Variants in GSG1 observed in about 807,000 individuals in gnomAD.
GSG1 encodes germ cell-specific gene 1 protein.
A neutral mutation model predicts 30.8 loss-of-function variants in GSG1; 28 were observed. The ratio of observed to expected loss-of-function variants is 0.91; its 90% confidence interval spans 0.67 to 1.25. The LOEUF is 1.25. GSG1 is among the 50% of genes most tolerant of loss of function. The pLI, the probability that GSG1 is intolerant of heterozygous loss-of-function variation, is 0.00. For synonymous variants in GSG1, 162 were observed against 178.0 expected (o/e 0.91, Z 0.71); for missense variants, 435 against 444.7 (o/e 0.98, Z 0.20).
In GSG1 at chr12:13,084,795, C is replaced by G; in HGVS notation, c.*106G>C. On this transcript the variant is annotated 3_prime_UTR_variant, in exon 7 of 7. Coordinates refer to ENST00000651961, the MANE Select transcript of GSG1 (RefSeq NM_001080555.4). ...CCCTTATTCATAGCCTTATTCGTAG[C>G]CTCTAAAAACCATGCTCAAGAGACG... 1 of 721,848 alleles carries G rather than the reference C, an allele frequency of 1.4e-6. No homozygotes were observed. Among genetic ancestry groups the G allele is most frequent in the Non-Finnish European group, 2.3e-6 (1 of 437,002 alleles). The allele number at this position is 721,848 out of a possible 1,614,324, so 44.7% of individuals were successfully genotyped here. A position where few individuals can be genotyped will look rare whatever the true frequency, so the allele number is the denominator to read the frequency against.
chr12:13,095,681 T>A, intron 1 of GSG1: 1 of 1,611,902 alleles, frequency 6.2e-7, no homozygotes, highest in Non-Finnish European at 8.5e-7. Flanking sequence ...GGTTTAATGT[T>A]GCAAGAATGC....
intron 1 of GSG1, among the ~76,000 whole-genome samples, chr12:13,094,390 G>C (rs1866459644): frequency 6.6e-6 from 1 of 152,136 alleles, no homozygotes; most frequent in Admixed American, 6.5e-5. Context: ...TACTTTTAAA[G>C]GCACTCAACA....
At position 13,085,210 on chromosome 12, in the gene GSG1, C is replaced by A; in HGVS notation, c.780G>T (p.Ala260=). The change falls in exon 7 of 7, where the codon GCG becomes GCT. Residue 260 remains alanine (A), a synonymous_variant. Coordinates refer to ENST00000651961, the MANE Select transcript of GSG1 (RefSeq NM_001080555.4). The part of the protein sequence containing the change: ...MAWLSFTCCM[A]SAVTTFNTYT... ...ACGTGTTGAAGGTGGTGACAGCCGA[C>A]GCCATGCAGCAGGTGAAGGAGAGCC... The A allele has an allele frequency of 6.2e-7, 1 of 1,610,156 alleles. No homozygotes were observed. The highest frequency in any genetic ancestry group is 8.5e-7 in the Non-Finnish European group (1 of 1,177,168).
In GSG1 at chr12:13,087,286, G is replaced by C; in HGVS notation, c.635-23C>G. The C allele has an allele frequency of 1.9e-6, 3 of 1,567,662 alleles. No homozygotes were observed. In the South Asian group the frequency reaches 3.3e-5, roughly 17 times the overall value. On this transcript the variant is annotated intron_variant, in intron 5 of 6. Transcript: ENST00000651961. ...GACCTACCAAGGAAACAGGAAGGCA[G>C]AGCCCTTAGAGAAAGGCTTTCATGC... is the stretch of plus-strand genomic sequence containing the variant.
intron 1 of GSG1, chr12:13,095,763 A>T: frequency 6.5e-7 from 1 of 1,535,008 alleles, no homozygotes; most frequent in Non-Finnish European, 8.8e-7. Context: ...GGAGTGCCTC[A>T]TGATTAAATG....
intron 1 of GSG1, among the ~76,000 whole-genome samples, chr12:13,094,838 C>G (rs1351321244): frequency 6.6e-6 from 1 of 152,122 alleles, no homozygotes; most frequent in Non-Finnish European, 1.5e-5. Context: ...GTTATACTTG[C>G]AAGATTTTTA....
At chr12:13,088,124 G>T in intron 4 of GSG1, 65 bp from the exon 5 acceptor site, 1 of 1,573,898 alleles carries the variant, frequency 6.4e-7, no homozygotes, top group Non-Finnish European at 8.7e-7. Context: ...TAAGCGGTGA[G>T]CATAGGATGC....
At chr12:13,102,877 A>G (rs1401092275) in intron 1 of GSG1, among the ~76,000 whole-genome samples, 1 of 152,252 alleles carries the variant, frequency 6.6e-6, no homozygotes, top group Non-Finnish European at 1.5e-5. Context: ...GCAGAGTGTG[A>G]GAGTCTTCCT....
chr12:13,091,127 C>G (rs1485707016), intron 1 of GSG1, among the ~76,000 whole-genome samples: 1 of 152,212 alleles, frequency 6.6e-6, no homozygotes, highest in Non-Finnish European at 1.5e-5. Flanking sequence ...AGGCTAGCCA[C>G]AGAAACTAGA....
intron 6 of GSG1, among the ~76,000 whole-genome samples, chr12:13,086,034 G>C (rs1474037997): frequency 6.6e-6 from 1 of 152,214 alleles, no homozygotes; most frequent in Non-Finnish European, 1.5e-5. Context: ...GTTCTGGGAA[G>C]CTCAGGAAAC....
intron 1 of GSG1, among the ~76,000 whole-genome samples, chr12:13,098,990 C>G (rs1862953304): frequency 6.6e-6 from 1 of 152,170 alleles, no homozygotes; most frequent in Non-Finnish European, 1.5e-5. Context: ...TACTCTTTTT[C>G]TTAAAGAGGG....
intron 1 of GSG1, among the ~76,000 whole-genome samples, chr12:13,099,315 A>G (rs1236969033): frequency 2.0e-5 from 3 of 152,214 alleles, no homozygotes; most frequent in Non-Finnish European, 4.4e-5. Flanking sequence ...TGACATAAAT[A>G]TAATTAGGTT....
chr12:13,088,956 T>C lies in GSG1; in HGVS notation c.434-47A>G, dbSNP rs767820821. On this transcript the variant is annotated intron_variant, in intron 3 of 6. Transcript: ENST00000651961. ...GTCATGGAGCTACTCCCTGGGATGG[T>C]TGGAATGAAAACCTTCCCCACCCCA... 3.1e-6 allele frequency: 5 copies of C among 1,606,912 alleles called. No individual in the cohort carries two copies. The African/African-American group carries it at 6.7e-5, about 21-fold the overall frequency.
intron 1 of GSG1, among the ~76,000 whole-genome samples, chr12:13,091,561 G>A (rs570555921): frequency 5.3e-5 from 8 of 152,258 alleles, no homozygotes; most frequent in East Asian, 1.9e-4. Flanking sequence ...AAAATTAGCC[G>A]GGCACGGTGG....
intron 4 of GSG1, 196 bp downstream of exon 4, chr12:13,088,666 T>C (rs1381933459): frequency 7.3e-7 from 1 of 1,371,134 alleles, no homozygotes; most frequent in African/African-American, 1.4e-5. Context: ...AAGTGGGAGA[T>C]CACAGTGCAG....
At chr12:13,095,821 G>T in intron 1 of GSG1, 7 of 1,466,146 alleles carry the variant, frequency 4.8e-6, no homozygotes, top group Non-Finnish European at 6.3e-6. Flanking sequence ...AGGCAATCAG[G>T]GCCCAGCTGT....
chr12:13,087,241 G>A lies in GSG1; in HGVS notation c.657C>T (p.His219=), dbSNP rs1220259865. Residue 219 remains histidine (H), a synonymous_variant, in exon 6 of 7, where the codon CAC becomes CAT. Coordinates refer to ENST00000651961, the MANE Select transcript of GSG1 (RefSeq NM_001080555.4). The part of the protein sequence containing the change: ...VLSGLLGMVA[H]MMYSQVFQAT... ...CTTGGAAGACTTGTGAATACATCAT[G>A]TGGGCCACCATCCCCAGGAGACCTA... The A allele has an allele frequency of 1.9e-6, 3 of 1,613,864 alleles. No homozygotes were observed. Among genetic ancestry groups the A allele is most frequent in the Non-Finnish European group, 2.5e-6 (3 of 1,179,754 alleles).
intron 1 of GSG1, 89 bp downstream of exon 1, chr12:13,103,376 T>G: frequency 1.1e-6 from 1 of 945,468 alleles, no homozygotes; most frequent in East Asian, 2.4e-5. Context: ...ATACATGAAA[T>G]TGATGAGTTA....
intron 1 of GSG1, among the ~76,000 whole-genome samples, chr12:13,095,223 C>T (rs17820032): frequency 0.1 from 15,491 of 152,204 alleles, 911 homozygotes; most frequent in East Asian, 0.29. Flanking sequence ...CTGCTAGGGT[C>T]GGGATACCTC....
Sources: gnomAD v4.1 joint callset for allele counts (sites outside exome capture counted in the v4.1 genomes callset) on GRCh38, gnomAD v4.1.1 for gene constraint, MANE v1.5 for transcripts, NCBI Gene and HGNC (gene_info 2026-07-23, HGNC 2026-07-21) for gene names.